The following PLCB1 variants were observed in gnomAD, a reference collection of about 807,000 sequenced individuals.
PLCB1 encodes the protein 1-phosphatidylinositol 4,5-bisphosphate phosphodiesterase beta-1.
A neutral mutation model predicts 161.8 loss-of-function variants in PLCB1; 46 were observed. The ratio of observed to expected loss-of-function variants is 0.28; its 90% confidence interval spans 0.22 to 0.36. The LOEUF (loss-of-function observed/expected upper bound fraction) is 0.36. PLCB1 is among the 10% of genes least tolerant of loss of function. The pLI is 1.00. For synonymous variants in PLCB1, 517 were observed against 503.7 expected, an observed-to-expected ratio of 1.03 and a Z score of -0.35; for missense variants, 1,016 against 1,472.5, an observed-to-expected ratio of 0.69 and a Z score of 5.07.
intron 2 of PLCB1, among the ~76,000 whole-genome samples, chr20:8,210,207 C>T (rs1033684334): frequency 6.6e-6 from 1 of 152,090 alleles, no homozygotes; most frequent in Non-Finnish European, 1.5e-5. Flanking sequence ...ATTATTATTA[C>T]TAAAATGAAA....
At chr20:8,834,796 T>A in intron 31 of PLCB1, among the ~76,000 whole-genome samples, 1 of 112,654 alleles carries the variant, frequency 8.9e-6, no homozygotes, top group South Asian at 3.0e-4. Context: ...GCCTGGGCGA[T>A]AGACTCTGCC....
intron 2 of PLCB1, among the ~76,000 whole-genome samples, chr20:8,273,599 C>A (rs1982391134): frequency 6.6e-6 from 1 of 152,138 alleles, no homozygotes; most frequent in Non-Finnish European, 1.5e-5. Context: ...CCTAACCCCG[C>A]TGGCTGAACT....
intron 27 of PLCB1, among the ~76,000 whole-genome samples, chr20:8,786,095 C>T (rs943768254): frequency 6.6e-6 from 1 of 152,078 alleles, no homozygotes; most frequent in Non-Finnish European, 1.5e-5. Flanking sequence ...TAAGAAGTTC[C>T]CCCACATGAT....
At chr20:8,332,041 T>C (rs1291993943) in intron 2 of PLCB1, among the ~76,000 whole-genome samples, 3 of 152,236 alleles carry the variant, frequency 2.0e-5, no homozygotes, top group Non-Finnish European at 2.9e-5. Flanking sequence ...AAGATGTGAT[T>C]GGGTGCCGGG....
chr20:8,133,241 C>T (rs920660130), intron 1 of PLCB1, among the ~76,000 whole-genome samples: 2 of 152,162 alleles, frequency 1.3e-5, no homozygotes, highest in Non-Finnish European at 2.9e-5. Context: ...TTGTGGGAGC[C>T]AAGGCGGCGG....
At chr20:8,789,478 G>C (rs376589737) in intron 29 of PLCB1, 40 bp from the exon 30 acceptor site, 10 of 1,296,586 alleles carry the variant, frequency 7.7e-6, no homozygotes, top group Non-Finnish European at 1.1e-5. Flanking sequence ...GTCAATTCTG[G>C]ATGAATTGGT....
chr20:8,316,245 AGAAAGCTCAAAGAAATT>A (rs1418295212), intron 2 of PLCB1, among the ~76,000 whole-genome samples: 2 of 152,140 alleles, frequency 1.3e-5, no homozygotes, highest in Non-Finnish European at 2.9e-5. Context: ...GAAAGTTCCA[AGAAAGCTCAAAGAAATT>A]GTGTTTATAT....
rs367685292 is a variant in PLCB1, at chr20:8,445,721, G to C, written c.246+74271G>C. ...ATTTGTTTGTGTCCTCTTTTATTTC[G>C]TTGAGCAGTGGTTTCTAGTTCTCCT... On this transcript the variant is annotated intron_variant, in intron 3 of 31. Transcript: ENST00000338037. Among the ~76,000 whole-genome samples the C allele has an allele frequency of 2.0e-3, 299 of 151,692 alleles. 3 individuals are homozygous for C. The highest frequency in any genetic ancestry group is 9.0e-3 in the South Asian group (43 of 4,794).
At chr20:8,411,801 A>C (rs544569584) in intron 3 of PLCB1, among the ~76,000 whole-genome samples, 1 of 152,300 alleles carries the variant, frequency 6.6e-6, no homozygotes, top group East Asian at 1.9e-4. Flanking sequence ...AGGCCAGTGG[A>C]TCACCTGTGG....
In PLCB1 at chr20:8,212,253, C is replaced by A. The variant is rs867352873; in HGVS notation, c.177+61882C>A. ...ATTTTTGTTTTGCTTTATTTTCAAGCAAATCAAAACTTCTTCAGCATAAAT... is the reference window on the plus strand; with the variant it reads ...ATTTTTGTTTTGCTTTATTTTCAAGAAAATCAAAACTTCTTCAGCATAAAT... On this transcript the variant is annotated intron_variant, in intron 2 of 31. Transcript: ENST00000338037. Among the ~76,000 whole-genome samples, 40 of 152,194 alleles carry A rather than the reference C, an allele frequency of 2.6e-4. 1 individual carries two copies. The Middle Eastern group carries it at 0.014, about 52-fold the overall frequency.
intron 2 of PLCB1, among the ~76,000 whole-genome samples, chr20:8,212,647 A>G (rs1446984228): frequency 1.3e-5 from 2 of 152,122 alleles, no homozygotes; most frequent in Non-Finnish European, 2.9e-5. Context: ...GCAAAAGATG[A>G]AACATCTCTA....
intron 4 of PLCB1, among the ~76,000 whole-genome samples, chr20:8,638,052 T>G (rs1025136355): frequency 6.6e-6 from 1 of 152,076 alleles, no homozygotes; most frequent in African/African-American, 2.4e-5. Flanking sequence ...CCCGCCACCA[T>G]GCCCGGCTAA....
At chr20:8,742,880 A>C (rs1196526800) in intron 23 of PLCB1, among the ~76,000 whole-genome samples, 1 of 152,196 alleles carries the variant, frequency 6.6e-6, no homozygotes, top group Non-Finnish European at 1.5e-5. Flanking sequence ...TGATACAGAC[A>C]TACTGATTTT....
chr20:8,429,519 C>T (rs940776753), intron 3 of PLCB1, among the ~76,000 whole-genome samples: 2 of 151,850 alleles, frequency 1.3e-5, no homozygotes, highest in East Asian at 3.9e-4. Context: ...TAGAGTCAAG[C>T]GCCATGCAAT....
At chr20:8,273,054 C>T (rs1982361751) in intron 2 of PLCB1, among the ~76,000 whole-genome samples, 1 of 152,044 alleles carries the variant, frequency 6.6e-6, no homozygotes, top group Admixed American at 6.6e-5. Context: ...GTACCAATTC[C>T]CCAAATACAG....
chr20:8,728,574 G>A (rs1422898983), intron 17 of PLCB1, among the ~76,000 whole-genome samples: 1 of 151,970 alleles, frequency 6.6e-6, no homozygotes, highest in East Asian at 1.9e-4. Flanking sequence ...GCTATACAGT[G>A]CATATTATCT....
chr20:8,862,065 C>G (rs1987275579), intron 31 of PLCB1, among the ~76,000 whole-genome samples: 1 of 152,074 alleles, frequency 6.6e-6, no homozygotes, highest in Admixed American at 6.5e-5. Context: ...TATTTTAATG[C>G]AAAAGCTATT....
chr20:8,384,942 A>T (rs1276474635), intron 3 of PLCB1, among the ~76,000 whole-genome samples: 1 of 152,172 alleles, frequency 6.6e-6, no homozygotes, highest in African/African-American at 2.4e-5. Context: ...CACCAACCTG[A>T]TGCGAGTAGG....
chr20:8,869,633 G>C (rs2146323179), intron 31 of PLCB1, among the ~76,000 whole-genome samples: 1 of 152,318 alleles, frequency 6.6e-6, no homozygotes, highest in African/African-American at 2.4e-5. Context: ...ATGGGGAAAT[G>C]CAACAATAAT....
Sources: gnomAD v4.1 joint callset for allele counts (sites outside exome capture counted in the v4.1 genomes callset) on GRCh38, gnomAD v4.1.1 for gene constraint, MANE v1.5 for transcripts, NCBI Gene and HGNC (gene_info 2026-07-23, HGNC 2026-07-21) for gene names.